Variants in TRHDE observed in about 807,000 individuals in gnomAD.
The protein encoded by TRHDE is thyrotropin releasing hormone degrading enzyme, also known as thyrotropin-releasing hormone-degrading ectoenzyme.
Under a neutral mutation model 125.7 loss-of-function variants are expected in TRHDE, and 72 were observed. The ratio of observed to expected loss-of-function variants is 0.57; its 90% CI spans 0.47 to 0.70. The LOEUF (loss-of-function observed/expected upper bound fraction) is 0.70. TRHDE is among the 30% of genes least tolerant of loss of function. The pLI is 0.00. For synonymous variants in TRHDE, 509 were observed against 509.1 expected (o/e 1.00, Z 0.00); for missense variants, 1,110 against 1,327.1 (o/e 0.84, Z 2.54).
chr12:72,650,855 A>G (rs1874478367), intron 15 of TRHDE, among the ~76,000 whole-genome samples: 1 of 152,138 alleles, frequency 6.6e-6, no homozygotes, highest in Non-Finnish European at 1.5e-5. Context: ...AATCTTAACC[A>G]GAACTGAGCA....
chr12:72,372,336 A>C (rs1379330733), intron 2 of TRHDE, among the ~76,000 whole-genome samples: 1 of 151,788 alleles, frequency 6.6e-6, no homozygotes, highest in Non-Finnish European at 1.5e-5. Flanking sequence ...CCCATTTTGT[A>C]GGTTGCCTGT....
Position 72,286,900 on chromosome 12 carries a change from C to T in TRHDE, c.1134C>T (p.Ala378=). ...QTPLMSTYYL[A]WAICNFTYRE... ...CTCTCATGTCCACATATTATTTAGC[C>T]TGGGCAATTTGCAACTTCACATACA... The change falls in exon 2 of 19, where the codon GCC becomes GCT. Residue 378 remains alanine, a synonymous_variant. Transcript: ENST00000261180. 2 of 1,613,876 alleles carry T rather than the reference C, an allele frequency of 1.2e-6. No individual in the cohort carries two copies. The highest frequency in any genetic ancestry group is 1.7e-6 in the Non-Finnish European group (2 of 1,179,966).
chr12:72,508,984 C>A (rs759042386), intron 6 of TRHDE, among the ~76,000 whole-genome samples: 2 of 152,106 alleles, frequency 1.3e-5, no homozygotes, highest in Non-Finnish European at 2.9e-5. Context: ...GCCTCCACAG[C>A]CATGCTTCCT....
chr12:72,492,465 G>T (rs1877725340), intron 5 of TRHDE, among the ~76,000 whole-genome samples: 1 of 151,788 alleles, frequency 6.6e-6, no homozygotes, highest in South Asian at 2.1e-4. Flanking sequence ...CACAAATATG[G>T]CATTGTGCTA....
chr12:72,210,541 G>A (rs981399803), intron 2 of TRHDE, among the ~76,000 whole-genome samples: 10 of 152,092 alleles, frequency 6.6e-5, no homozygotes, highest in Non-Finnish European at 1.3e-4. Context: ...TTTAAAAAGA[G>A]AAAATTATGA....
intron 3 of TRHDE, among the ~76,000 whole-genome samples, chr12:72,400,348 T>G (rs1207781074): frequency 1.3e-5 from 2 of 152,190 alleles, no homozygotes; most frequent in Non-Finnish European, 2.9e-5. Flanking sequence ...TAATTACTGT[T>G]GGTACGAGCA....
chr12:72,443,192 C>CTGTG (rs58277850), intron 3 of TRHDE, among the ~76,000 whole-genome samples: 7,666 of 144,430 alleles, frequency 0.053, 227 homozygotes, highest in Non-Finnish European at 0.059. Context: ...TACTTCTTTC[C>CTGTG]TGTGTGTGTG....
At chr12:72,108,099 A>C (rs1305715947) in intron 2 of TRHDE, among the ~76,000 whole-genome samples, 1 of 152,154 alleles carries the variant, frequency 6.6e-6, no homozygotes, top group Non-Finnish European at 1.5e-5. Flanking sequence ...ACTAAAATCC[A>C]AACCAGCCAA....
At chr12:72,320,442 A>T (rs890432832) in intron 2 of TRHDE, among the ~76,000 whole-genome samples, 1 of 152,012 alleles carries the variant, frequency 6.6e-6, no homozygotes, top group Non-Finnish European at 1.5e-5. Context: ...AAATCTGTAC[A>T]TGTTCAGTGC....
chr12:72,188,371 A>G (rs1010373080), intron 2 of TRHDE, among the ~76,000 whole-genome samples: 2 of 152,252 alleles, frequency 1.3e-5, no homozygotes, highest in Non-Finnish European at 2.9e-5. Flanking sequence ...ATGTATCTCT[A>G]AAACAATTGG....
chr12:72,143,109 G>A (rs578147704), intron 2 of TRHDE, among the ~76,000 whole-genome samples: 4 of 152,258 alleles, frequency 2.6e-5, no homozygotes, highest in East Asian at 1.9e-4. Context: ...GTAGCACTGG[G>A]GTTGCAGGCA....
chr12:72,512,637 CAT>C (rs1160951209), intron 6 of TRHDE, among the ~76,000 whole-genome samples: 1 of 138,710 alleles, frequency 7.2e-6, no homozygotes, highest in East Asian at 2.0e-4. Flanking sequence ...ATCATATTAT[CAT>C]ATATAATCAT....
At chr12:72,482,579 C>T (rs1429245175) in intron 5 of TRHDE, among the ~76,000 whole-genome samples, 1 of 151,858 alleles carries the variant, frequency 6.6e-6, no homozygotes, top group Non-Finnish European at 1.5e-5. Flanking sequence ...TTAAGTCTTG[C>T]TTCTTTCCCT....
intron 1 of TRHDE, among the ~76,000 whole-genome samples, chr12:72,090,660 G>A (rs553636874): frequency 6.6e-6 from 1 of 151,814 alleles, no homozygotes; most frequent in Admixed American, 6.6e-5. Context: ...GTAGACCCAG[G>A]GATATAGGTA....
intron 2 of TRHDE, among the ~76,000 whole-genome samples, chr12:72,111,595 A>G (rs1875316607): frequency 6.6e-6 from 1 of 152,208 alleles, no homozygotes; most frequent in Non-Finnish European, 1.5e-5. Context: ...AATTGAAGTA[A>G]TTAGAAGCAA....
intron 15 of TRHDE, among the ~76,000 whole-genome samples, chr12:72,640,071 G>A (rs1374975060): frequency 1.3e-5 from 2 of 152,202 alleles, no homozygotes; most frequent in Admixed American, 6.5e-5. Context: ...ACCTAAGCAA[G>A]CCTGGGCAAT....
At chr12:72,237,828 T>C (rs1394370436) in intron 2 of TRHDE, among the ~76,000 whole-genome samples, 1 of 152,154 alleles carries the variant, frequency 6.6e-6, no homozygotes, top group Non-Finnish European at 1.5e-5. Flanking sequence ...CAGGGACTCT[T>C]AGGCAAACCA....
intron 2 of TRHDE, among the ~76,000 whole-genome samples, chr12:72,253,275 G>A (rs182198528): frequency 3.6e-4 from 54 of 152,070 alleles, no homozygotes; most frequent in African/African-American, 1.3e-3. Context: ...TAATCCATGG[G>A]TTTACTAAAT....
intron 7 of TRHDE, among the ~76,000 whole-genome samples, chr12:72,553,789 T>C: frequency 6.6e-6 from 1 of 151,420 alleles, no homozygotes; most frequent in East Asian, 1.9e-4. Flanking sequence ...TATAATTTTC[T>C]TTTCTTTCCT....
Sources: allele counts gnomAD v4.1 joint callset (sites outside exome capture counted in the v4.1 genomes callset), GRCh38; gene constraint gnomAD v4.1.1; transcripts MANE v1.5; gene names NCBI Gene and HGNC (gene_info 2026-07-23, HGNC 2026-07-21).